ZNF804B: variants seen among roughly 807,000 people sequenced by gnomAD.
ZNF804B encodes the protein zinc finger 804B.
In ZNF804B, 80 loss-of-function variants were observed where a neutral mutation model predicts 101.4. The observed-to-expected ratio is 0.79, with a 90% CI of 0.66 to 0.95. The LOEUF (loss-of-function observed/expected upper bound fraction) is 0.95, where lower values mean the gene tolerates loss of function less well. ZNF804B is among the 40% of genes least tolerant of loss of function. ZNF804B has a pLI of 0.00. For synonymous variants in ZNF804B, 622 were observed against 558.8 expected (o/e 1.11, Z -1.59); for missense variants, 1,673 against 1,561.9 (o/e 1.07, Z -1.20).
intron 1 of ZNF804B, among the ~76,000 whole-genome samples, chr7:89,033,627 C>T (rs1300923462): frequency 6.6e-6 from 1 of 151,784 alleles, no homozygotes; most frequent in African/African-American, 2.4e-5. Context: ...TAGTTCGTTT[C>T]CCATTGAATG....
intron 2 of ZNF804B, among the ~76,000 whole-genome samples, chr7:89,224,971 C>T (rs1347693809): frequency 6.6e-6 from 1 of 152,086 alleles, no homozygotes; most frequent in Non-Finnish European, 1.5e-5. Context: ...CTCCTTCTGA[C>T]TTCCAGATAT....
intron 2 of ZNF804B, among the ~76,000 whole-genome samples, chr7:89,227,979 CAATTAAAAGACA>C (rs1197276522): frequency 6.6e-6 from 1 of 152,158 alleles, no homozygotes; most frequent in Non-Finnish European, 1.5e-5. Context: ...TCTGAATACA[CAATTAAAAGACA>C]AAGACTGTCA....
chr7:88,967,648 A>C (rs1214893753), intron 1 of ZNF804B, among the ~76,000 whole-genome samples: 3 of 151,210 alleles, frequency 2.0e-5, no homozygotes, highest in Admixed American at 2.0e-4. Context: ...GCAGCTGATG[A>C]ATAACAAACG....
At chr7:89,212,656 T>C (rs1283365396) in intron 1 of ZNF804B, among the ~76,000 whole-genome samples, 1 of 152,186 alleles carries the variant, frequency 6.6e-6, no homozygotes, top group Non-Finnish European at 1.5e-5. Flanking sequence ...TCTATGCCTT[T>C]TCCATTGATT....
At chr7:88,876,006 A>G (rs549442079) in intron 1 of ZNF804B, among the ~76,000 whole-genome samples, 111 of 152,276 alleles carry the variant, frequency 7.3e-4, no homozygotes, top group Non-Finnish European at 1.4e-3. Context: ...CTGGTTCAAT[A>G]TATGCAAATC....
intron 3 of ZNF804B, 110 bp downstream of exon 3, chr7:89,327,584 T>TA: frequency 7.1e-7 from 1 of 1,414,182 alleles, no homozygotes; most frequent in East Asian, 2.6e-5. Flanking sequence ...AACTAATAGA[T>TA]ATGTCTGAAG....
chr7:89,104,520 G>A lies in ZNF804B; in HGVS notation c.109-113635G>A, dbSNP rs114159165. ...CCATTTTCCCTAAGTTTTCTAGTTT[G>A]TGTGAATAGAGATGTTCATAGTAGT... On this transcript the variant is annotated intron_variant, in intron 1 of 3. Transcript: ENST00000333190. Among the ~76,000 whole-genome samples, 780 of 151,852 alleles carry A rather than the reference G, an allele frequency of 5.1e-3. 5 individuals carry two copies. Among genetic ancestry groups the A allele is most frequent in the African/African-American group, 0.015 (616 of 41,444 alleles).
chr7:89,026,687 G>A (rs1330291773), intron 1 of ZNF804B, among the ~76,000 whole-genome samples: 1 of 151,992 alleles, frequency 6.6e-6, no homozygotes, highest in Non-Finnish European at 1.5e-5. Context: ...GAGATAGAGA[G>A]GATATTGTCC....
At chr7:89,197,819 T>A (rs1392390456) in intron 1 of ZNF804B, among the ~76,000 whole-genome samples, 1 of 151,950 alleles carries the variant, frequency 6.6e-6, no homozygotes, top group East Asian at 1.9e-4. Flanking sequence ...TAGTTAAAGA[T>A]AGTTGACATT....
rs1789167324 is a variant in ZNF804B, at chr7:89,049,864, T to G, written c.109-168291T>G. Among the ~76,000 whole-genome samples the G allele has an allele frequency of 3.9e-5, 6 of 152,064 alleles. No individual in the cohort carries two copies. The South Asian group carries it at 1.2e-3, about 32-fold the overall frequency. ...TCATCTCTACTAAAAATACAAAAATTAGCCATGCATGGTGGCATGTGCCTG... is the reference window on the plus strand; with the variant it reads ...TCATCTCTACTAAAAATACAAAAATGAGCCATGCATGGTGGCATGTGCCTG... On this transcript the variant is annotated intron_variant, in intron 1 of 3. Transcript: ENST00000333190.
intron 1 of ZNF804B, among the ~76,000 whole-genome samples, chr7:88,877,049 ATTTTTT>A (rs869097226): frequency 4.6e-3 from 64 of 13,860 alleles, no homozygotes; most frequent in African/African-American, 0.018. Context: ...ATATATATAT[ATTTTTT>A]TTTTTTTTTT....
intron 1 of ZNF804B, among the ~76,000 whole-genome samples, chr7:89,172,295 A>G (rs2116436248): frequency 6.6e-6 from 1 of 152,288 alleles, no homozygotes; most frequent in Middle Eastern, 3.4e-3. Flanking sequence ...AGAGGGCACC[A>G]GTTTGCAGTA....
At chr7:88,967,642 C>T (rs1793475734) in intron 1 of ZNF804B, among the ~76,000 whole-genome samples, 1 of 148,160 alleles carries the variant, frequency 6.7e-6, no homozygotes, top group African/African-American at 2.5e-5. Flanking sequence ...TCTAGAGCAG[C>T]TGATGAATAA....
intron 1 of ZNF804B, among the ~76,000 whole-genome samples, chr7:88,821,062 A>G (rs554752305): frequency 8.5e-5 from 13 of 152,298 alleles, no homozygotes; most frequent in South Asian, 2.1e-4. Context: ...TTGTCAGTCA[A>G]TTCTGGAATA....
chr7:89,099,059 A>T (rs1477180784), intron 1 of ZNF804B, among the ~76,000 whole-genome samples: 1 of 147,680 alleles, frequency 6.8e-6, no homozygotes, highest in Non-Finnish European at 1.5e-5. Flanking sequence ...TATATATTAT[A>T]TATGTACCTA....
chr7:88,763,997 T>C (rs1461126799), intron 1 of ZNF804B, among the ~76,000 whole-genome samples: 1 of 152,184 alleles, frequency 6.6e-6, no homozygotes. Flanking sequence ...AAGCTATTCA[T>C]TGAGAACATA....
intron 2 of ZNF804B, among the ~76,000 whole-genome samples, chr7:89,234,533 G>C (rs985002136): frequency 6.6e-6 from 1 of 152,144 alleles, no homozygotes; most frequent in Non-Finnish European, 1.5e-5. Flanking sequence ...CAAGATGGCT[G>C]GTGAAGCATT....
At position 89,335,231 on chromosome 7, in the gene ZNF804B, T is replaced by A. The variant is rs143293437; in HGVS notation, c.2249T>A (p.Val750Asp). The change falls in exon 4 of 4, where the codon GTT (valine) becomes GAT (aspartate). Residue 750 changes from valine to aspartate, a missense_variant. Coordinates refer to ENST00000333190, the MANE Select transcript of ZNF804B (RefSeq NM_181646.5). ...LCFHKREHHS[V>D]ERHKRKCLKH... ...TTCCATAAAAGAGAACACCACTCAG[T>A]TGAAAGGCACAAACGGAAATGTCTA... 1.2e-6 allele frequency: 2 copies of A among 1,613,862 alleles called. No homozygotes were observed. Among genetic ancestry groups the A allele is most frequent in the Admixed American group, 3.3e-5 (2 of 59,934 alleles).
chr7:89,298,257 T>TATATACAC (rs1429786060), intron 2 of ZNF804B, among the ~76,000 whole-genome samples: 1 of 108,414 alleles, frequency 9.2e-6, no homozygotes, highest in African/African-American at 3.3e-5. Context: ...TATATATATA[T>TATATACAC]ACTTTAAGTT....
Sources: allele counts gnomAD v4.1 joint callset (sites outside exome capture counted in the v4.1 genomes callset), GRCh38; gene constraint gnomAD v4.1.1; transcripts MANE v1.5; gene names NCBI Gene and HGNC (gene_info 2026-07-23, HGNC 2026-07-21).